RPL31: variants seen among roughly 807,000 people sequenced by gnomAD.
The protein encoded by RPL31 is large ribosomal subunit protein eL31.
For synonymous variants in RPL31, 51 were observed against 55.0 expected (o/e 0.93, Z 0.32); for missense variants, 95 against 164.0 (o/e 0.58, Z 2.30).
chr2:101,005,458 G>A (rs988510269), intron 3 of RPL31: 6 of 154,216 alleles, frequency 3.9e-5, no homozygotes, highest in South Asian at 2.0e-4. Context: ...ACAGGCAGCC[G>A]CCACCACGCC....
At chr2:101,019,261 A>C in exon 5 of RPL31, 1 of 437,786 alleles carries the variant, frequency 2.3e-6, no homozygotes, top group South Asian at 6.1e-5. Flanking sequence ...AAGTGAAGAG[A>C]ATTCTTTAGG....
downstream of RPL31, chr2:101,011,139 T>G (rs1363253149): frequency 9.7e-7 from 1 of 1,028,110 alleles, no homozygotes; most frequent in African/African-American, 1.6e-5. Flanking sequence ...CTAAGCAAAT[T>G]CCATACAAAA....
chr2:101,016,419 AAAC>A (rs1292869069), intron 4 of RPL31, among the ~76,000 whole-genome samples: 1 of 152,086 alleles, frequency 6.6e-6, no homozygotes, highest in African/African-American at 2.4e-5. Flanking sequence ...AAAAGTCAGG[AAAC>A]AACAGGTGCT....
downstream of RPL31, chr2:101,010,962 A>G (rs760465926): frequency 5.0e-6 from 8 of 1,612,466 alleles, no homozygotes; most frequent in Middle Eastern, 1.6e-4. Flanking sequence ...TCTCAGTTTT[A>G]TCTTTTTCTT....
chr2:101,005,836 G>T, intron 3 of RPL31, 123 bp from the exon 4 acceptor site: 1 of 753,148 alleles, frequency 1.3e-6, no homozygotes, highest in Non-Finnish European at 2.2e-6. Context: ...GTAAGTTCTA[G>T]GTTGGTCAGA....
chr2:101,013,075 A>G (rs1309349054), intron 4 of RPL31, among the ~76,000 whole-genome samples: 1 of 152,228 alleles, frequency 6.6e-6, no homozygotes, highest in Non-Finnish European at 1.5e-5. Flanking sequence ...ACAAAATGTG[A>G]TGGGAGCCAT....
At chr2:101,015,248 A>C (rs1159924750) in intron 4 of RPL31, among the ~76,000 whole-genome samples, 1 of 152,202 alleles carries the variant, frequency 6.6e-6, no homozygotes, top group Non-Finnish European at 1.5e-5. Context: ...TAAAAGAAAA[A>C]AAAATGGTAT....
chr2:101,013,483 T>C (rs1243384565), intron 4 of RPL31, among the ~76,000 whole-genome samples: 3 of 152,256 alleles, frequency 2.0e-5, no homozygotes, highest in Non-Finnish European at 4.4e-5. Context: ...GTGTTCATTG[T>C]GTCTCACTTC....
chr2:101,007,929 T>G (rs1215870441), downstream of RPL31: 1 of 1,614,056 alleles, frequency 6.2e-7, no homozygotes. Context: ...TCATGTCCAG[T>G]GGCTTTTCAA....
chr2:101,007,445 T>C (rs541871512), downstream of RPL31, among the ~76,000 whole-genome samples: 1 of 152,296 alleles, frequency 6.6e-6, no homozygotes, highest in African/African-American at 2.4e-5. Flanking sequence ...ATTCCTGACC[T>C]CTCCCATTGT....
chr2:101,009,420 AAAAG>A (rs1295419784), downstream of RPL31, among the ~76,000 whole-genome samples: 1 of 151,948 alleles, frequency 6.6e-6, no homozygotes, highest in Admixed American at 6.6e-5. Flanking sequence ...AAAAAAAAAA[AAAAG>A]AAAAATGCTT....
downstream of RPL31, chr2:101,008,225 C>T: frequency 1.9e-6 from 3 of 1,599,508 alleles, no homozygotes; most frequent in Non-Finnish European, 2.6e-6. Flanking sequence ...TCTTCTGGAT[C>T]TTCATGGAAC....
At chr2:101,006,203 G>C (rs986557369) in intron 4 of RPL31, 132 bp downstream of exon 4, 1 of 1,508,096 alleles carries the variant, frequency 6.6e-7, no homozygotes, top group African/African-American at 1.4e-5. Context: ...GGTGTGGGAA[G>C]ATGCTAAAGA....
chr2:101,003,475 T>C (rs1386345191), intron 2 of RPL31, among the ~76,000 whole-genome samples: 1 of 152,294 alleles, frequency 6.6e-6, no homozygotes, highest in Admixed American at 6.5e-5. Context: ...AAACTTGCAG[T>C]CCCCTTCCCT....
chr2:101,004,742 G>A (rs140378972), intron 3 of RPL31: 2 of 167,932 alleles, frequency 1.2e-5, no homozygotes, highest in Non-Finnish European at 2.5e-5. Flanking sequence ...CACTACTGAG[G>A]GATACTGTGG....
downstream of RPL31, among the ~76,000 whole-genome samples, chr2:101,010,240 T>G (rs912878199): frequency 1.3e-5 from 2 of 152,200 alleles, no homozygotes; most frequent in Non-Finnish European, 2.9e-5. Flanking sequence ...TCAGAAGTTT[T>G]AGAGACTCCT....
intron 4 of RPL31, chr2:101,018,036 C>T: frequency 9.1e-7 from 1 of 1,098,492 alleles, no homozygotes; most frequent in Non-Finnish European, 1.3e-6. Flanking sequence ...CATATCAACC[C>T]CTTTTTCACT....
chr2:101,006,224 G>T, intron 4 of RPL31, 126 bp from the exon 5 acceptor site: 1 of 1,511,990 alleles, frequency 6.6e-7, no homozygotes. Flanking sequence ...ATGCAAAACT[G>T]ATCCATATCT....
In RPL31 at chr2:101,004,144, T is replaced by C. The variant is rs147159354; in HGVS notation, c.108-14T>C. The stretch of plus-strand genomic sequence containing the variant: ...TGTGCTCCTTTAATTTGTTCACTTA[T>C]GTTTGAATCGTAGGGGCTTCAAGAA... On this transcript the variant is annotated splice_polypyrimidine_tract_variant and intron_variant, in intron 2 of 4. Transcript: ENST00000264258. 6.8e-5 allele frequency: 109 copies of C among 1,612,426 alleles called. No individual in the cohort carries two copies. The highest frequency in any genetic ancestry group is 6.3e-4 in the African/African-American group (47 of 74,916).
Sources: allele counts gnomAD v4.1 joint callset (sites outside exome capture counted in the v4.1 genomes callset), GRCh38; gene constraint gnomAD v4.1.1; transcripts MANE v1.5; gene names NCBI Gene and HGNC (gene_info 2026-07-23, HGNC 2026-07-21).